MCF2L2: variants seen among roughly 807,000 people sequenced by gnomAD.
MCF2L2 encodes the protein MCF.2 cell line derived transforming sequence-like 2, also known as probable guanine nucleotide exchange factor MCF2L2.
In MCF2L2, 102 loss-of-function variants were observed where a neutral mutation model predicts 150.2. That is an observed-to-expected ratio of 0.68 (90% CI 0.58 to 0.80). MCF2L2 has a LOEUF of 0.80. MCF2L2 is among the 30% of genes least tolerant of loss of function. The probability of loss-of-function intolerance (pLI) is 0.00; values close to 1 mark genes in which losing one functional copy is unlikely to be tolerated. For synonymous variants in MCF2L2, 465 were observed against 491.3 expected (o/e 0.95, Z 0.71); for missense variants, 1,256 against 1,372.8 (o/e 0.91, Z 1.34).
chr3:183,182,778 T>TA (rs1462875593), intron 27 of MCF2L2: 1 of 152,106 alleles, frequency 6.6e-6, no homozygotes, highest in Admixed American at 6.5e-5. Flanking sequence ...CAGAAAACCT[T>TA]AGAGAGCATC....
chr3:183,396,958 G>A (rs1714499018), intron 1 of MCF2L2, among the ~76,000 whole-genome samples: 1 of 152,206 alleles, frequency 6.6e-6, no homozygotes, highest in African/African-American at 2.4e-5. Context: ...AGGGCCTCTA[G>A]AGAGTGGCCC....
intron 1 of MCF2L2, among the ~76,000 whole-genome samples, chr3:183,392,532 T>C (rs983986792): frequency 1.3e-5 from 2 of 152,220 alleles, no homozygotes; most frequent in Non-Finnish European, 2.9e-5. Context: ...AGAATAGCAA[T>C]GAGCTGCTTT....
intron 2 of MCF2L2, among the ~76,000 whole-genome samples, chr3:183,380,729 T>C (rs1034731234): frequency 2.9e-4 from 44 of 152,308 alleles, no homozygotes; most frequent in African/African-American, 9.1e-4. Flanking sequence ...CAACATCAAA[T>C]TGCATTATAT....
Position 183,280,027 on chromosome 3 carries a change from C to CA in MCF2L2, c.1777-3071dup, listed in dbSNP as rs879598642. Among the ~76,000 whole-genome samples, 568 of 138,618 alleles carry CA rather than the reference C, an allele frequency of 4.1e-3. 2 individuals carry two copies. The highest frequency in any genetic ancestry group is 0.011 in the African/African-American group (406 of 38,198). 90.9% of individuals were successfully genotyped at this position (138,618 alleles called of 152,430 possible). The stretch of plus-strand genomic sequence containing the variant: ...GGGCGACAGAGCAAGATTCCGTCTC[C>CA]AAAAAAAAAAAAGGAGGGGGTGGCA... On this transcript the variant is annotated intron_variant, in intron 14 of 29. Coordinates refer to ENST00000328913, the MANE Select transcript of MCF2L2 (RefSeq NM_015078.4).
chr3:183,358,530 T>C (rs888672599), intron 3 of MCF2L2, among the ~76,000 whole-genome samples: 9 of 152,208 alleles, frequency 5.9e-5, no homozygotes, highest in African/African-American at 1.7e-4. Context: ...TGCAACTTAA[T>C]GGTGTGCCGC....
At chr3:183,331,564 C>T (rs1319974405) in intron 5 of MCF2L2, among the ~76,000 whole-genome samples, 3 of 152,218 alleles carry the variant, frequency 2.0e-5, no homozygotes, top group Non-Finnish European at 4.4e-5. Flanking sequence ...GCACAAGAAG[C>T]ATTTCCTGTA....
intron 15 of MCF2L2, among the ~76,000 whole-genome samples, chr3:183,261,741 T>A (rs1725606319): frequency 6.6e-6 from 1 of 152,170 alleles, no homozygotes; most frequent in South Asian, 2.1e-4. Context: ...ATGATTAAAT[T>A]TCTTAGTTTT....
intron 27 of MCF2L2, among the ~76,000 whole-genome samples, chr3:183,180,849 G>C (rs1474344870): frequency 6.6e-6 from 1 of 152,208 alleles, no homozygotes; most frequent in Non-Finnish European, 1.5e-5. Context: ...AGACAGCAAT[G>C]GTCACTTGGC....
chr3:183,184,343 T>G (rs1721625047), intron 27 of MCF2L2, among the ~76,000 whole-genome samples: 1 of 152,142 alleles, frequency 6.6e-6, no homozygotes, highest in African/African-American at 2.4e-5. Flanking sequence ...TAAGTGATAG[T>G]TGTATTCTTG....
At chr3:183,400,145 A>G (rs913984871) in intron 1 of MCF2L2, among the ~76,000 whole-genome samples, 2 of 152,260 alleles carry the variant, frequency 1.3e-5, no homozygotes, top group African/African-American at 4.8e-5. Context: ...GAACATATCA[A>G]TAAATGACCA....
intron 15 of MCF2L2, among the ~76,000 whole-genome samples, chr3:183,234,707 T>TTTATTA (rs1553885345): frequency 8.8e-6 from 1 of 113,906 alleles, no homozygotes; most frequent in Non-Finnish European, 1.9e-5. Flanking sequence ...TTTTTTTTTT[T>TTTATTA]TTATTATACT....
intron 18 of MCF2L2, chr3:183,228,060 G>T: frequency 1.2e-5 from 2 of 167,420 alleles, no homozygotes; most frequent in Non-Finnish European, 2.4e-5. Context: ...GGTAATGAAT[G>T]TATTCATTAA....
intron 1 of MCF2L2, among the ~76,000 whole-genome samples, chr3:183,401,943 T>A (rs1431472608): frequency 6.6e-6 from 1 of 152,206 alleles, no homozygotes; most frequent in African/African-American, 2.4e-5. Flanking sequence ...GACAAATATC[T>A]AGAAATGGTA....
chr3:183,311,639 C>T lies in MCF2L2; in HGVS notation c.878+9G>A. 1.9e-6 allele frequency: 3 copies of T among 1,613,626 alleles called. No individual in the cohort carries two copies. Among genetic ancestry groups the T allele is most frequent in the Non-Finnish European group, 2.5e-6 (3 of 1,179,852 alleles). ...TCCTGAAAAGGCTGATTCCACTTCACTCACTCACCTTTCCATGGTAGTTAC... is the reference window on the plus strand; with the variant it reads ...TCCTGAAAAGGCTGATTCCACTTCATTCACTCACCTTTCCATGGTAGTTAC... On this transcript the variant is annotated intron_variant, in intron 8 of 29. Coordinates refer to ENST00000328913, the MANE Select transcript of MCF2L2 (RefSeq NM_015078.4).
intron 2 of MCF2L2, among the ~76,000 whole-genome samples, chr3:183,388,072 C>T (rs1300355058): frequency 1.3e-5 from 2 of 152,004 alleles, no homozygotes; most frequent in Non-Finnish European, 2.9e-5. Flanking sequence ...CTGTCTGATA[C>T]CAGTTCATGT....
intron 4 of MCF2L2, 69 bp downstream of exon 4, chr3:183,341,471 T>C (rs1300815893): frequency 4.6e-5 from 58 of 1,274,348 alleles, no homozygotes; most frequent in Admixed American, 2.0e-4. Flanking sequence ...CCCCAGGACT[T>C]TGATATGAAA....
At chr3:183,406,976 A>AT (rs1421196761) in intron 1 of MCF2L2, among the ~76,000 whole-genome samples, 3 of 152,142 alleles carry the variant, frequency 2.0e-5, no homozygotes, top group Non-Finnish European at 2.9e-5. Flanking sequence ...TTTCTAACAG[A>AT]TTTTTTATTA....
At chr3:183,361,498 T>A (rs1013121398) in intron 3 of MCF2L2, among the ~76,000 whole-genome samples, 1 of 152,126 alleles carries the variant, frequency 6.6e-6, no homozygotes, top group African/African-American at 2.4e-5. Flanking sequence ...TTTAAAAGTG[T>A]GTGGCACCTC....
intron 1 of MCF2L2, among the ~76,000 whole-genome samples, chr3:183,403,080 C>G (rs1314080156): frequency 6.6e-6 from 1 of 151,930 alleles, no homozygotes; most frequent in Admixed American, 6.6e-5. Context: ...TCGAGACCAG[C>G]CTGGCCAACA....
Sources: allele counts gnomAD v4.1 joint callset (sites outside exome capture counted in the v4.1 genomes callset), GRCh38; gene constraint gnomAD v4.1.1; transcripts MANE v1.5; gene names NCBI Gene and HGNC (gene_info 2026-07-23, HGNC 2026-07-21).